Variants in F13B observed in about 807,000 individuals in gnomAD.
The protein encoded by F13B is coagulation factor XIII B chain.
A neutral mutation model predicts 79.8 loss-of-function variants in F13B; 58 were observed. That is an observed-to-expected ratio of 0.73 (90% CI 0.59 to 0.90). F13B has a LOEUF of 0.90. Among genes scored for constraint, F13B ranks in the 40% least tolerant of loss-of-function variants. The probability of loss-of-function intolerance (pLI) is 0.00; values close to 1 mark genes in which losing one functional copy is unlikely to be tolerated. For synonymous variants in F13B, 283 were observed against 260.3 expected, an observed-to-expected ratio of 1.09 and a Z score of -0.84; for missense variants, 773 against 777.0, an observed-to-expected ratio of 0.99 and a Z score of 0.06.
At position 197,057,557 on chromosome 1, in the gene F13B, G is replaced by A. The variant is rs1183410556; in HGVS notation, c.806-92C>T. ...AATATTCATCATGTCAAGCATCATA[G>A]AGAGAATGGCAGACTGATTCTAGGA... On this transcript the variant is annotated intron_variant, in intron 5 of 11. Transcript: ENST00000367412. 2.3e-6 allele frequency: 3 copies of A among 1,320,504 alleles called. No homozygotes were observed. In the East Asian group the frequency reaches 7.6e-5, roughly 33 times the overall value. The allele number at this position is 1,320,504 out of a possible 1,614,324, so 81.8% of individuals were successfully genotyped here.
At chr1:197,064,563 C>G (rs995856398) in intron 1 of F13B, among the ~76,000 whole-genome samples, 1 of 151,976 alleles carries the variant, frequency 6.6e-6, no homozygotes, top group Admixed American at 6.6e-5. Context: ...ACAAACTAAT[C>G]CATGATAATA....
chr1:197,049,392 T>C (rs1434888849), intron 10 of F13B, among the ~76,000 whole-genome samples: 1 of 151,982 alleles, frequency 6.6e-6, no homozygotes, highest in Non-Finnish European at 1.5e-5. Context: ...TACATATTAA[T>C]AGAAGTAATA....
chr1:197,050,575 T>C, intron 10 of F13B, 122 bp downstream of exon 10: 1 of 834,616 alleles, frequency 1.2e-6, no homozygotes, highest in Middle Eastern at 3.4e-4. Context: ...AATAAGCACA[T>C]GAATAAAATA....
chr1:197,039,231 A>G lies in F13B; in HGVS notation c.*147T>C. Reference sequence around the variant, plus strand: ...GACATTTATTGGTTTTCATTTATAAATAACGAAATGTTCAGCACAAATAAT... The same window carrying G: ...GACATTTATTGGTTTTCATTTATAAGTAACGAAATGTTCAGCACAAATAAT... On this transcript the variant is annotated 3_prime_UTR_variant, in exon 12 of 12. Coordinates refer to ENST00000367412, the MANE Select transcript of F13B (RefSeq NM_001994.3). 1.5e-6 allele frequency: 1 copy of G among 678,380 alleles called. No individual in the cohort carries two copies. The highest frequency in any genetic ancestry group is 2.5e-6 in the Non-Finnish European group (1 of 392,782). 42.0% of individuals were successfully genotyped at this position (678,380 alleles called of 1,614,324 possible). A position where few individuals can be genotyped will look rare whatever the true frequency, so the allele number is the denominator to read the frequency against.
At chr1:197,064,096 AC>A (rs1157918414) in intron 1 of F13B, among the ~76,000 whole-genome samples, 1 of 152,168 alleles carries the variant, frequency 6.6e-6, no homozygotes, top group Non-Finnish European at 1.5e-5. Context: ...GAAAATTTAA[AC>A]CACCATGAGA....
At chr1:197,048,283 T>C (rs1558305416) in intron 10 of F13B, among the ~76,000 whole-genome samples, 1 of 151,818 alleles carries the variant, frequency 6.6e-6, no homozygotes, top group Non-Finnish European at 1.5e-5. Context: ...AACAGAAATA[T>C]ATTAGTAATT....
At chr1:197,040,413 C>A (rs958167001) in intron 11 of F13B, 109 bp downstream of exon 11, 2 of 713,692 alleles carry the variant, frequency 2.8e-6, no homozygotes, top group African/African-American at 1.8e-5. Flanking sequence ...ATTATTTTTT[C>A]TTTGCAATTG....
intron 9 of F13B, among the ~76,000 whole-genome samples, chr1:197,051,326 A>T (rs1655431262): frequency 6.6e-6 from 1 of 152,194 alleles, no homozygotes; most frequent in Non-Finnish European, 1.5e-5. Flanking sequence ...TAGTGTTTAC[A>T]TGCATATTTA....
At chr1:197,039,936 G>A (rs1271052581) in intron 11 of F13B, among the ~76,000 whole-genome samples, 2 of 151,776 alleles carry the variant, frequency 1.3e-5, no homozygotes, top group African/African-American at 2.4e-5. Flanking sequence ...TATATATAGT[G>A]TCTTCAAAAA....
At chr1:197,063,560 T>C (rs1441053594) in intron 1 of F13B, among the ~76,000 whole-genome samples, 1 of 152,104 alleles carries the variant, frequency 6.6e-6, no homozygotes, top group Admixed American at 6.6e-5. Context: ...ACTCAAAGGA[T>C]CCTTCTGCTT....
Position 197,059,286 on chromosome 1 carries a change from A to G in F13B, c.805+1080T>C, listed in dbSNP as rs928526347. On this transcript the variant is annotated intron_variant, in intron 5 of 11. Coordinates refer to ENST00000367412, the MANE Select transcript of F13B (RefSeq NM_001994.3). ...TGCTTAAAAAATCTACTTCTCTACT[A>G]CTATACCAAGGATGTCGAGCACAAA... 1.1e-4 allele frequency among the ~76,000 whole-genome samples: 17 copies of G among 152,140 alleles called. 1 individual carries two copies. The highest frequency in any genetic ancestry group is 2.4e-4 in the African/African-American group (10 of 41,434).
chr1:197,061,102 A>G (rs1655844774), intron 3 of F13B, 27 bp from the exon 4 acceptor site: 5 of 1,171,762 alleles, frequency 4.3e-6, no homozygotes, highest in Admixed American at 2.8e-5. Flanking sequence ...TATTTATTTT[A>G]TAAACTTTTT....
Position 197,060,902 on chromosome 1 carries a change from T to G in F13B, c.625A>C (p.Thr209Pro), listed in dbSNP as rs201594137. The change falls in exon 4 of 12, where the codon ACC (threonine) becomes CCC (proline). Residue 209 changes from threonine (T) to proline (P), a missense_variant. Thr to Pro is a conservative substitution (Grantham distance 38). Transcript: ENST00000367412. Reference sequence around the variant, plus strand: ...TTTATTCCAAATGAGAACCTACTGGTACATTTTGGTGTGAGAGACCATCCG... The same window carrying G: ...TTTATTCCAAATGAGAACCTACTGGGACATTTTGGTGTGAGAGACCATCCG... Reference protein sequence around the residue: ...TYGWSLTPKCTKLKCSSLRLI... With the variant: ...TYGWSLTPKCPKLKCSSLRLI... The G allele has an allele frequency of 7.4e-6, 12 of 1,612,784 alleles. No individual in the cohort carries two copies. The highest frequency in any genetic ancestry group is 1.0e-5 in the Non-Finnish European group (12 of 1,179,168).
intron 5 of F13B, among the ~76,000 whole-genome samples, chr1:197,058,785 G>C (rs1655737638): frequency 1.3e-5 from 2 of 152,064 alleles, no homozygotes; most frequent in African/African-American, 4.8e-5. Context: ...TTTGGGAGGA[G>C]TAAGAGAGAT....
rs187017140 is a variant in F13B, at chr1:197,060,517, T to C, written c.654A>G (p.Leu218=). The change falls in exon 5 of 12, where the codon TTA becomes TTG. Residue 218 remains leucine (L), a synonymous_variant. Coordinates refer to ENST00000367412, the MANE Select transcript of F13B (RefSeq NM_001994.3). ...CAGGATGAAAATAACCATTTTCAATTAATCTTAAAGAAGAGCACTTTAATT... is the reference window on the plus strand; with the variant it reads ...CAGGATGAAAATAACCATTTTCAATCAATCTTAAAGAAGAGCACTTTAATT... ...CTKLKCSSLR[L]IENGYFHPVK... 3 of 1,597,344 alleles carry C rather than the reference T, an allele frequency of 1.9e-6. No individual in the cohort carries two copies. In the East Asian group the frequency reaches 6.7e-5, roughly 36 times the overall value.
intron 3 of F13B, among the ~76,000 whole-genome samples, chr1:197,061,429 T>C (rs1655858984): frequency 1.3e-5 from 2 of 152,148 alleles, no homozygotes; most frequent in Admixed American, 6.6e-5. Flanking sequence ...TGAACTATTT[T>C]TAAGTATATC....
At position 197,060,909 on chromosome 1, in the gene F13B, T is replaced by C. The variant is rs1318929095; in HGVS notation, c.618A>G (p.Pro206=). ...CAAATGAGAACCTACTGGTACATTT[T>C]GGTGTGAGAGACCATCCGTATGTGA... is the stretch of plus-strand genomic sequence containing the variant. ...ECLTYGWSLT[P]KCTKLKCSSL... Residue 206 remains proline, a synonymous_variant, in exon 4 of 12, where the codon CCA becomes CCG. Coordinates refer to ENST00000367412, the MANE Select transcript of F13B (RefSeq NM_001994.3). 4.3e-6 allele frequency: 7 copies of C among 1,612,962 alleles called. No homozygotes were observed. The highest frequency in any genetic ancestry group is 1.3e-5 in the African/African-American group (1 of 74,858).
At chr1:197,061,121 T>C (rs769339088) in intron 3 of F13B, 46 bp from the exon 4 acceptor site, 6 of 950,098 alleles carry the variant, frequency 6.3e-6, no homozygotes, top group Middle Eastern at 3.2e-4. Context: ...TTTAATAACC[T>C]AGATTATAAA....
chr1:197,062,775 T>C, intron 2 of F13B, 82 bp downstream of exon 2: 1 of 1,377,242 alleles, frequency 7.3e-7, no homozygotes, highest in South Asian at 1.2e-5. Context: ...TTTAACCGCT[T>C]TCCATTTTTA....
Sources: allele counts gnomAD v4.1 joint callset (sites outside exome capture counted in the v4.1 genomes callset), GRCh38; gene constraint gnomAD v4.1.1; transcripts MANE v1.5; gene names NCBI Gene and HGNC (gene_info 2026-07-23, HGNC 2026-07-21).